TRPC7: variants seen among roughly 807,000 people sequenced by gnomAD.
The protein encoded by TRPC7 is transient receptor potential cation channel subfamily C member 7.
A neutral mutation model predicts 90.1 loss-of-function variants in TRPC7; 42 were observed. That is an observed-to-expected ratio of 0.47 (90% CI 0.36 to 0.60). TRPC7 has a LOEUF of 0.60. Ranked by LOEUF, TRPC7 falls within the 20% of genes least tolerant of loss-of-function variation. The probability of loss-of-function intolerance (pLI) is 0.00; values close to 1 mark genes in which losing one functional copy is unlikely to be tolerated. For missense variants in TRPC7, 955 were observed against 1,112.3 expected (o/e 0.86, Z 2.01); for synonymous variants, 451 against 436.3 (o/e 1.03, Z -0.42).
intron 7 of TRPC7, among the ~76,000 whole-genome samples, chr5:136,239,372 G>A (rs1005482394): frequency 1.3e-5 from 2 of 152,224 alleles, no homozygotes; most frequent in African/African-American, 4.8e-5. Flanking sequence ...AGCCTGTGGA[G>A]CTTCTGAATC....
chr5:136,234,863 A>C (rs1041812667), intron 7 of TRPC7, among the ~76,000 whole-genome samples: 4 of 152,152 alleles, frequency 2.6e-5, no homozygotes, highest in Non-Finnish European at 5.9e-5. Flanking sequence ...TTGTTATTAG[A>C]GGGCACCTTA....
intron 2 of TRPC7, among the ~76,000 whole-genome samples, chr5:136,341,045 C>T (rs1759828090): frequency 6.6e-6 from 1 of 152,130 alleles, no homozygotes; most frequent in South Asian, 2.1e-4. Context: ...TTGAGGCTGC[C>T]TTCTGGGAGG....
intron 5 of TRPC7, among the ~76,000 whole-genome samples, chr5:136,256,911 T>C (rs1197675929): frequency 2.6e-5 from 4 of 151,726 alleles, no homozygotes; most frequent in African/African-American, 9.7e-5. Context: ...CCAAGCACAC[T>C]CACAGATGCC....
chr5:136,240,294 A>G (rs959753900), intron 7 of TRPC7, among the ~76,000 whole-genome samples: 9 of 152,188 alleles, frequency 5.9e-5, no homozygotes, highest in African/African-American at 2.2e-4. Context: ...GTGCTACTCA[A>G]GTACCCTTTG....
intron 7 of TRPC7, among the ~76,000 whole-genome samples, chr5:136,244,882 T>A (rs1756286619): frequency 6.6e-6 from 1 of 152,226 alleles, no homozygotes; most frequent in African/African-American, 2.4e-5. Context: ...GCTAGACCAC[T>A]GCCCAGAAAG....
intron 2 of TRPC7, among the ~76,000 whole-genome samples, chr5:136,318,924 CCTT>C (rs1186643754): frequency 2.0e-5 from 3 of 152,048 alleles, no homozygotes; most frequent in Non-Finnish European, 4.4e-5. Flanking sequence ...GGTCTCTTGT[CCTT>C]CTTTTATTCC....
intron 3 of TRPC7, among the ~76,000 whole-genome samples, chr5:136,300,929 T>C (rs1190092098): frequency 6.6e-6 from 1 of 152,206 alleles, no homozygotes; most frequent in Non-Finnish European, 1.5e-5. Context: ...AAGAGCTTCA[T>C]CTCTTCAAAA....
intron 1 of TRPC7, among the ~76,000 whole-genome samples, chr5:136,360,474 C>A (rs190178887): frequency 3.2e-4 from 49 of 151,422 alleles, no homozygotes; most frequent in African/African-American, 1.1e-3. Flanking sequence ...TATGTTTTAT[C>A]AAAAAAAATA....
intron 3 of TRPC7, among the ~76,000 whole-genome samples, chr5:136,307,004 T>G (rs1758658544): frequency 6.6e-6 from 1 of 152,220 alleles, no homozygotes; most frequent in Non-Finnish European, 1.5e-5. Context: ...TGGTGGTCTC[T>G]TCACACGGAC....
rs191505872 is a variant in TRPC7, at chr5:136,293,356, C to G, written c.964-18519G>C. On this transcript the variant is annotated intron_variant, in intron 3 of 11. Transcript: ENST00000513104. ...GAAAAGAGGAAGTCAAATTGTCCCT[C>G]TTTGCAGATGACATGATTGTATATC... 3.2e-3 allele frequency among the ~76,000 whole-genome samples: 494 copies of G among 152,292 alleles called. 3 individuals are homozygous for G. The highest frequency in any genetic ancestry group is 0.011 in the African/African-American group (462 of 41,560).
chr5:136,249,027 T>C (rs1561686966), intron 6 of TRPC7, among the ~76,000 whole-genome samples: 1 of 152,208 alleles, frequency 6.6e-6, no homozygotes, highest in Non-Finnish European at 1.5e-5. Flanking sequence ...GAAATATTAA[T>C]TGAGAAGCAT....
chr5:136,315,764 A>G lies in TRPC7; in HGVS notation c.796T>C (p.Leu266=), dbSNP rs776343914. The change falls in exon 3 of 12, where the codon TTA becomes CTA. Residue 266 remains leucine (L), a synonymous_variant. Coordinates refer to ENST00000513104, the MANE Select transcript of TRPC7 (RefSeq NM_020389.3). ...ETEFKNDYRK[L]SMQCKDFVVG... ...ACAAAATCCTTGCATTGCATAGATA[A>G]CTTCCTGTAATCGTTCTAACAGAAT... is the stretch of plus-strand genomic sequence containing the variant. 11 of 1,613,646 alleles carry G rather than the reference A, an allele frequency of 6.8e-6. No individual in the cohort carries two copies. Among genetic ancestry groups the G allele is most frequent in the Non-Finnish European group, 9.3e-6 (11 of 1,179,774 alleles).
intron 3 of TRPC7, among the ~76,000 whole-genome samples, chr5:136,306,060 C>T (rs577837220): frequency 1.4e-4 from 22 of 152,292 alleles, no homozygotes; most frequent in African/African-American, 5.3e-4. Flanking sequence ...AGTCATACTC[C>T]TATTCTCCAT....
chr5:136,318,527 T>A (rs1759098101), intron 2 of TRPC7, among the ~76,000 whole-genome samples: 1 of 152,192 alleles, frequency 6.6e-6, no homozygotes, highest in Admixed American at 6.5e-5. Context: ...ATTTAGCCTG[T>A]CTCACATCAG....
At chr5:136,250,983 T>C (rs1386919081) in intron 6 of TRPC7, among the ~76,000 whole-genome samples, 1 of 152,210 alleles carries the variant, frequency 6.6e-6, no homozygotes, top group Admixed American at 6.5e-5. Context: ...ATGTTTAAAA[T>C]AGGGACAAAA....
At chr5:136,351,395 A>G (rs1580986367) in intron 2 of TRPC7, among the ~76,000 whole-genome samples, 1 of 152,378 alleles carries the variant, frequency 6.6e-6, no homozygotes, top group East Asian at 1.9e-4. Flanking sequence ...ATTTGTTTAT[A>G]CTACCAGCCA....
chr5:136,332,393 G>A (rs1759530116), intron 2 of TRPC7, among the ~76,000 whole-genome samples: 1 of 152,104 alleles, frequency 6.6e-6, no homozygotes, highest in Admixed American at 6.5e-5. Context: ...GGCGAGATGG[G>A]GAGGCACTGA....
intron 3 of TRPC7, among the ~76,000 whole-genome samples, chr5:136,301,871 G>C (rs1029905217): frequency 1.3e-5 from 2 of 152,154 alleles, no homozygotes. Context: ...GACCTCCCTT[G>C]GGAGATCAAT....
chr5:136,357,089 T>A lies in TRPC7; in HGVS notation c.299A>T (p.Lys100Met), dbSNP rs763536034. The A allele has an allele frequency of 3.7e-6, 6 of 1,614,032 alleles. No homozygotes were observed. Among genetic ancestry groups the A allele is most frequent in the East Asian group, 4.5e-5 (2 of 44,870 alleles). ...GTCCCCCACCCGTGCCAGGTTCTCC[T>A]TCTTCAGCAGCAGCTCCGTGACCTC... ...HLEVTELLLK[K>M]ENLARVGDAL... is the part of the protein sequence containing the mutation. Residue 100 changes from lysine (K) to methionine (M), a missense_variant, in exon 2 of 12, where the codon AAG becomes ATG. Coordinates refer to ENST00000513104, the MANE Select transcript of TRPC7 (RefSeq NM_020389.3).
Sources: gnomAD v4.1 joint callset for allele counts (sites outside exome capture counted in the v4.1 genomes callset) on GRCh38, gnomAD v4.1.1 for gene constraint, MANE v1.5 for transcripts, NCBI Gene and HGNC (gene_info 2026-07-23, HGNC 2026-07-21) for gene names.